The following NDOR1 variants were observed in gnomAD, a reference collection of about 807,000 sequenced individuals.
NDOR1 encodes the protein NADPH dependent diflavin oxidoreductase 1, also known as NADPH-dependent diflavin oxidoreductase 1.
In NDOR1, 61 loss-of-function variants were observed where a neutral mutation model predicts 67.2. That is an observed-to-expected ratio of 0.91 (90% CI 0.74 to 1.12). NDOR1 has a LOEUF of 1.12. NDOR1 is among the 50% of genes most tolerant of loss of function. NDOR1 has a pLI of 0.00. For synonymous variants in NDOR1, 378 were observed against 343.7 expected (o/e 1.10, Z -1.10); for missense variants, 878 against 802.8 (o/e 1.09, Z -1.13).
rs112673806 is a variant in NDOR1, at chr9:137,216,654, G to T, written c.*238G>T. 3.5e-3 allele frequency: 2,010 copies of T among 579,040 alleles called. 26 individuals are homozygous for T. Among genetic ancestry groups the T allele is most frequent in the African/African-American group, 0.026 (1,374 of 53,506 alleles). 35.9% of individuals were successfully genotyped at this position (579,040 alleles called of 1,614,324 possible). ...CTGCGCTCCCCCACCCTGACAGTGAGCTGTGTCCTCGTCCCCCCACCCCCT... is the reference window on the plus strand; with the variant it reads ...CTGCGCTCCCCCACCCTGACAGTGATCTGTGTCCTCGTCCCCCCACCCCCT... On this transcript the variant is annotated 3_prime_UTR_variant, in exon 14 of 14. Coordinates refer to ENST00000684003, the MANE Select transcript of NDOR1 (RefSeq NM_014434.4).
chr9:137,215,766 C>A lies in NDOR1; in HGVS notation c.1396C>A (p.Arg466=). ...VGPGTGVAPF[R]AAIQERVAQG... is the part of the protein sequence containing the mutation. Reference sequence around the variant, plus strand: ...GCCTGGCACTGGGGTAGCCCCCTTCCGAGCAGCCATCCAGGAGCGTGTGGC... The same window carrying A: ...GCCTGGCACTGGGGTAGCCCCCTTCAGAGCAGCCATCCAGGAGCGTGTGGC... The change falls in exon 11 of 14, where the codon CGA becomes AGA. Residue 466 remains arginine (R), a synonymous_variant. Transcript: ENST00000684003. The A allele has an allele frequency of 6.3e-7, 1 of 1,598,444 alleles. No homozygotes were observed. Among genetic ancestry groups the A allele is most frequent in the Non-Finnish European group, 8.5e-7 (1 of 1,171,506 alleles).
chr9:137,209,808 G>GGC (rs1164852920), intron 2 of NDOR1, among the ~76,000 whole-genome samples: 1 of 152,228 alleles, frequency 6.6e-6, no homozygotes, highest in Non-Finnish European at 1.5e-5. Flanking sequence ...AAACCCATGG[G>GGC]GCGCTGGGCG....
rs148849906 is a variant in NDOR1 at position 137,219,050 on chromosome 9, C to T, written c.*2634C>T. 90 of 160,510 alleles carry T rather than the reference C, an allele frequency of 5.6e-4. No individual in the cohort carries two copies. The highest frequency in any genetic ancestry group is 2.0e-3 in the African/African-American group (84 of 41,920). The allele number at this position is 160,510 out of a possible 1,614,324, so 9.9% of individuals were successfully genotyped here. On this transcript the variant is annotated 3_prime_UTR_variant, in exon 14 of 14. Coordinates refer to ENST00000684003, the MANE Select transcript of NDOR1 (RefSeq NM_014434.4). ...CAGTTCCTTGGAGAGGGCAGGGACT[C>T]CGCCCACCCTGTGTTCAGATAAGGG... is the stretch of plus-strand genomic sequence containing the variant.
intron 2 of NDOR1, among the ~76,000 whole-genome samples, chr9:137,208,741 T>C (rs1186240552): frequency 6.6e-6 from 1 of 150,450 alleles, no homozygotes; most frequent in East Asian, 2.0e-4. Context: ...GGAGGAGCTC[T>C]TGAACTTGGG....
Position 137,216,280 on chromosome 9 carries a change from A to G in NDOR1, c.1658A>G (p.Lys553Arg). 3 of 1,613,104 alleles carry G rather than the reference A, an allele frequency of 1.9e-6. No individual in the cohort carries two copies. The African/African-American group carries it at 4.0e-5, about 21-fold the overall frequency. Residue 553 changes from lysine (K) to arginine (R), a missense_variant, in exon 14 of 14, where the codon AAG becomes AGG. Transcript: ENST00000684003. The part of the protein sequence containing the change: ...GAYFYLAGNA[K>R]SMPADVSEAL... ...GCGACCTGCCCCTCTAGCAACGCCA[A>G]GTCCATGCCAGCGGACGTCTCGGAA...
At position 137,218,021 on chromosome 9, in the gene NDOR1, A is replaced by G. The variant is rs1027582123; in HGVS notation, c.*1605A>G. On this transcript the variant is annotated 3_prime_UTR_variant, in exon 14 of 14. Coordinates refer to ENST00000684003, the MANE Select transcript of NDOR1 (RefSeq NM_014434.4). ...CATGGAGGGTGCCTGGGCCCTTCCA[A>G]CCTGGAAGGAGGAGGGGAGAGAGCA... The G allele has an allele frequency of 1.5e-5, 6 of 398,994 alleles. No homozygotes were observed. The highest frequency in any genetic ancestry group is 3.6e-5 in the East Asian group (1 of 28,090). 24.7% of individuals were successfully genotyped at this position (398,994 alleles called of 1,614,324 possible).
Position 137,218,305 on chromosome 9 carries a change from C to G in NDOR1, c.*1889C>G, listed in dbSNP as rs75016415. 0.13 allele frequency: 52,327 copies of G among 398,218 alleles called. 3,669 individuals are homozygous for G. Among genetic ancestry groups the G allele is most frequent in the Middle Eastern group, 0.21 (340 of 1,588 alleles). The allele number at this position is 398,218 out of a possible 1,614,324, so 24.7% of individuals were successfully genotyped here. The stretch of plus-strand genomic sequence containing the variant: ...AGGCCGACGGGCCCTCACGCCAGCC[C>G]CGCCGAGAGGCCCCTGCATCCTATC... On this transcript the variant is annotated 3_prime_UTR_variant, in exon 14 of 14. Transcript: ENST00000684003.
chr9:137,210,514 A>C (rs1835202480), intron 2 of NDOR1, among the ~76,000 whole-genome samples: 1 of 152,168 alleles, frequency 6.6e-6, no homozygotes, highest in Admixed American at 6.5e-5. Context: ...CTGGCCAGAA[A>C]TAGTTCTTTA....
In NDOR1 at chr9:137,212,765, C is replaced by T. The variant is rs1835326288; in HGVS notation, c.311+166C>T. 1 of 641,280 alleles carries T rather than the reference C, an allele frequency of 1.6e-6. No individual in the cohort carries two copies. The highest frequency in any genetic ancestry group is 2.8e-6 in the Non-Finnish European group (1 of 362,558). The allele number at this position is 641,280 out of a possible 1,614,324, so 39.7% of individuals were successfully genotyped here. On this transcript the variant is annotated intron_variant, in intron 3 of 13. Transcript: ENST00000684003. The surrounding 1 kb of genome is among the most constrained non-coding windows in gnomAD (Gnocchi z 4.3). ...AACGCTCCCTGGTGGGCACCCCAGG[C>T]TTCACGCTGCGGGGAGGGCACAGAG...
rs773190262 is a variant in NDOR1 at position 137,219,052 on chromosome 9, G to A, written c.*2636G>A. On this transcript the variant is annotated 3_prime_UTR_variant, in exon 14 of 14. Coordinates refer to ENST00000684003, the MANE Select transcript of NDOR1 (RefSeq NM_014434.4). ...GTTCCTTGGAGAGGGCAGGGACTCCGCCCACCCTGTGTTCAGATAAGGGCC... is the reference window on the plus strand; with the variant it reads ...GTTCCTTGGAGAGGGCAGGGACTCCACCCACCCTGTGTTCAGATAAGGGCC... 4.7e-4 allele frequency: 75 copies of A among 159,920 alleles called. No homozygotes were observed. The highest frequency in any genetic ancestry group is 2.2e-4 in the African/African-American group (9 of 41,770). 9.9% of individuals were successfully genotyped at this position (159,920 alleles called of 1,614,324 possible). A position where few individuals can be genotyped will look rare whatever the true frequency, so the allele number is the denominator to read the frequency against.
intron 4 of NDOR1, 41 bp from the exon 5 acceptor site, chr9:137,213,926 A>T (rs1436231727): frequency 1.3e-6 from 2 of 1,588,298 alleles, no homozygotes; most frequent in African/African-American, 1.3e-5. Context: ...GTCTGGCCAC[A>T]CGCAGGGTCC....
Position 137,216,535 on chromosome 9 carries a change from G to A in NDOR1, c.*119G>A. On this transcript the variant is annotated 3_prime_UTR_variant, in exon 14 of 14. Transcript: ENST00000684003. ...TCTCGGACCAGCCAGCTGGTCCTCT[G>A]GGAACAGCCAGCTCCCGAGCACAGC... 2 of 1,328,822 alleles carry A rather than the reference G, an allele frequency of 1.5e-6. No homozygotes were observed. Among genetic ancestry groups the A allele is most frequent in the Non-Finnish European group, 2.0e-6 (2 of 991,800 alleles). 82.3% of individuals were successfully genotyped at this position (1,328,822 alleles called of 1,614,324 possible).
At position 137,216,255 on chromosome 9, in the gene NDOR1, G is replaced by T; in HGVS notation, c.1650-17G>T. On this transcript the variant is annotated splice_polypyrimidine_tract_variant and intron_variant, in intron 13 of 13. Coordinates refer to ENST00000684003, the MANE Select transcript of NDOR1 (RefSeq NM_014434.4). ...AGTGCCAGGCCTCATTGCGCCTTCTGCGACCTGCCCCTCTAGCAACGCCAA... is the reference window on the plus strand; with the variant it reads ...AGTGCCAGGCCTCATTGCGCCTTCTTCGACCTGCCCCTCTAGCAACGCCAA... 1 of 1,612,880 alleles carries T rather than the reference G, an allele frequency of 6.2e-7. No individual in the cohort carries two copies. The highest frequency in any genetic ancestry group is 8.5e-7 in the Non-Finnish European group (1 of 1,179,944).
Position 137,205,831 on chromosome 9 carries a change from G to C in NDOR1, c.54G>C (p.Gln18His). The C allele has an allele frequency of 6.2e-7, 1 of 1,605,368 alleles. No individual in the cohort carries two copies. ...TCGGCAGCCAGACAGGCACGGCTCA[G>C]GATGTGTCGGAGAGACTGGGTCGCG... ...VLFGSQTGTA[Q>H]DVSERLGREA... Residue 18 changes from glutamine to histidine, a missense_variant, in exon 1 of 14, where the codon CAG (glutamine) becomes CAC (histidine). By Grantham distance (24) the Gln-to-His change is conservative. Transcript: ENST00000684003.
Position 137,218,666 on chromosome 9 carries a change from G to T in NDOR1, c.*2250G>T, listed in dbSNP as rs1278837616. ...GGCCCAGACTGGCCCACGTCCCCATGCCTGGGTGCTGTGAGGCCTGATGAC... is the reference window on the plus strand; with the variant it reads ...GGCCCAGACTGGCCCACGTCCCCATTCCTGGGTGCTGTGAGGCCTGATGAC... On this transcript the variant is annotated 3_prime_UTR_variant, in exon 14 of 14. Transcript: ENST00000684003. 7.5e-6 allele frequency: 3 copies of T among 398,344 alleles called. No homozygotes were observed. Among genetic ancestry groups the T allele is most frequent in the East Asian group, 3.6e-5 (1 of 28,082 alleles). The allele number at this position is 398,344 out of a possible 1,614,324, so 24.7% of individuals were successfully genotyped here.
At position 137,219,094 on chromosome 9, in the gene NDOR1, G is replaced by C. The variant is rs1304187943; in HGVS notation, c.*2678G>C. On this transcript the variant is annotated 3_prime_UTR_variant, in exon 14 of 14. Transcript: ENST00000684003. ...ATAAGGGCCAGTGTGTGTCCCTGAA[G>C]GTCAGGCCAGCCGGGGGAGGGGTCC... is the stretch of plus-strand genomic sequence containing the variant. The C allele has an allele frequency of 6.5e-6, 1 of 154,586 alleles. No individual in the cohort carries two copies. Among genetic ancestry groups the C allele is most frequent in the Non-Finnish European group, 1.4e-5 (1 of 69,762 alleles). 9.6% of individuals were successfully genotyped at this position (154,586 alleles called of 1,614,324 possible).
chr9:137,206,232 G>A lies in NDOR1; in HGVS notation c.136G>A (p.Val46Met). The A allele has an allele frequency of 6.2e-7, 1 of 1,613,964 alleles. No individual in the cohort carries two copies. The highest frequency in any genetic ancestry group is 8.5e-7 in the Non-Finnish European group (1 of 1,179,976). The change falls in exon 2 of 14, where the codon GTG becomes ATG. Residue 46 changes from valine to methionine, a missense_variant and splice_region_variant. By Grantham distance (21) the Val-to-Met change is conservative. Coordinates refer to ENST00000684003, the MANE Select transcript of NDOR1 (RefSeq NM_014434.4). ...TACGTGTGTGTGTCTTTTTGTTGAG[G>A]TGAATCTGATTAACGAGCCCCTGGT... The part of the protein sequence containing the change: ...RVQALDSYPV[V>M]NLINEPLVIF...
intron 2 of NDOR1, among the ~76,000 whole-genome samples, chr9:137,209,370 TA>T (rs1274554311): frequency 6.6e-6 from 1 of 151,604 alleles, no homozygotes; most frequent in African/African-American, 2.4e-5. Flanking sequence ...AATGGTGGGA[TA>T]GGGAAGCCCC....
intron 2 of NDOR1, among the ~76,000 whole-genome samples, chr9:137,207,628 C>A (rs933546612): frequency 3.9e-5 from 6 of 152,026 alleles, no homozygotes; most frequent in Non-Finnish European, 8.8e-5. Flanking sequence ...GGTGCAGCAC[C>A]CCAAGGAGAG....
Sources: allele counts gnomAD v4.1 joint callset (sites outside exome capture counted in the v4.1 genomes callset), GRCh38; gene constraint gnomAD v4.1.1; non-coding constraint Gnocchi (gnomAD v3.1); transcripts MANE v1.5; gene names NCBI Gene and HGNC (gene_info 2026-07-23, HGNC 2026-07-21).